The following ZNF7 variants were observed in gnomAD, a reference collection of about 807,000 sequenced individuals.
ZNF7 encodes zinc finger protein 7, also known as C2-H2 type zinc finger protein.
Under a neutral mutation model 12.0 loss-of-function variants are expected in ZNF7, and 10 were observed. That is an observed-to-expected ratio of 0.83 (90% CI 0.51 to 1.42). The LOEUF (loss-of-function observed/expected upper bound fraction) is 1.42, where lower values mean the gene tolerates loss of function less well. Among genes scored for constraint, ZNF7 ranks in the 40% most tolerant of loss-of-function variants. The probability of loss-of-function intolerance (pLI) is 0.00; values close to 1 mark genes in which losing one functional copy is unlikely to be tolerated. For missense variants in ZNF7, 854 were observed against 837.2 expected, an observed-to-expected ratio of 1.02 and a Z score of -0.25; for synonymous variants, 334 against 295.0, an observed-to-expected ratio of 1.13 and a Z score of -1.35.
In ZNF7 at chr8:144,842,735, A is replaced by G. The variant is rs960686439; in HGVS notation, c.1628A>G (p.His543Arg). The G allele has an allele frequency of 1.2e-6, 2 of 1,614,216 alleles. No individual in the cohort carries two copies. Among genetic ancestry groups the G allele is most frequent in the Non-Finnish European group, 1.7e-6 (2 of 1,180,040 alleles). Residue 543 changes from histidine (H) to arginine (R), a missense_variant, in exon 5 of 5, where the codon CAT becomes CGT. Coordinates refer to ENST00000532777, the MANE Select transcript of ZNF7 (RefSeq NM_003416.4). ...AGTATGAGCACACAGCTTACAATACATCAAAGGGTTCACACTGGAGAGAGG... is the reference window on the plus strand; with the variant it reads ...AGTATGAGCACACAGCTTACAATACGTCAAAGGGTTCACACTGGAGAGAGG... ...AFSMSTQLTIHQRVHTGERPY... is the reference protein window; with the variant it reads ...AFSMSTQLTIRQRVHTGERPY...
At chr8:144,838,079 A>T (rs1245335295) in intron 4 of ZNF7, 9 of 702,788 alleles carry the variant, frequency 1.3e-5, no homozygotes, top group Non-Finnish European at 2.3e-5. Context: ...GGCTTTAGGG[A>T]AGGATCCTGT....
At position 144,843,559 on chromosome 8, in the gene ZNF7, G is replaced by A. The variant is rs999053269; in HGVS notation, c.*391G>A. 7.3e-6 allele frequency: 1 copy of A among 137,024 alleles called. No homozygotes were observed. Among genetic ancestry groups the A allele is most frequent in the Non-Finnish European group, 1.5e-5 (1 of 67,364 alleles). The allele number at this position is 137,024 out of a possible 1,614,324, so 8.5% of individuals were successfully genotyped here. On this transcript the variant is annotated 3_prime_UTR_variant, in exon 5 of 5. Transcript: ENST00000532777. ...GCTGAGATCGCGCCACTGCACTCCAGCCTGGGTGACAGAGTGAGACTCCCT... is the reference window on the plus strand; with the variant it reads ...GCTGAGATCGCGCCACTGCACTCCAACCTGGGTGACAGAGTGAGACTCCCT...
At chr8:144,828,915 G>T in intron 1 of ZNF7, 128 bp from the exon 2 acceptor site, 1 of 1,258,122 alleles carries the variant, frequency 7.9e-7, no homozygotes, top group Non-Finnish European at 1.1e-6. Flanking sequence ...CTTCAGCCCA[G>T]CCCCATGTCC....
Position 144,841,831 on chromosome 8 carries a change from A to C in ZNF7, c.724A>C (p.Asn242His), listed in dbSNP as rs373144270. The C allele has an allele frequency of 2.5e-6, 4 of 1,614,100 alleles. No individual in the cohort carries two copies. Among genetic ancestry groups the C allele is most frequent in the East Asian group, 4.5e-5 (2 of 44,900 alleles). The change falls in exon 5 of 5, where the codon AAT (asparagine) becomes CAT (histidine). Residue 242 changes from asparagine to histidine, a missense_variant. Asn to His is a moderately conservative substitution (Grantham distance 68). Transcript: ENST00000532777. Reference protein sequence around the residue: ...LSDCLQGKHTNNCHGEKPYEC... With the variant: ...LSDCLQGKHTHNCHGEKPYEC... Reference sequence around the variant, plus strand: ...TGACTGCTTGCAGGGGAAACATACAAATAACTGCCATGGAGAGAAGCCGTA... The same window carrying C: ...TGACTGCTTGCAGGGGAAACATACACATAACTGCCATGGAGAGAAGCCGTA...
intron 3 of ZNF7, among the ~76,000 whole-genome samples, chr8:144,830,289 C>T (rs1002820761): frequency 1.3e-5 from 2 of 152,230 alleles, no homozygotes; most frequent in African/African-American, 4.8e-5. Context: ...TGGACCAGGC[C>T]TGTCCCCCTC....
Position 144,842,587 on chromosome 8 carries a change from G to T in ZNF7, c.1480G>T (p.Glu494Ter). 6.2e-7 allele frequency: 1 copy of T among 1,614,228 alleles called. No individual in the cohort carries two copies. Among genetic ancestry groups the T allele is most frequent in the African/African-American group, 1.3e-5 (1 of 75,070 alleles). Residue 494 changes from glutamate to a stop codon, truncating the protein, a stop_gained, in exon 5 of 5, where the codon GAG becomes TAG. Coordinates refer to ENST00000532777, the MANE Select transcript of ZNF7 (RefSeq NM_003416.4). LOFTEE classifies it low-confidence loss of function (END_TRUNC). ...LIQHQRIHTG[E>*]KPYVCNDCGK... ...TCAGCATCAGCGAATCCACACTGGA[G>T]AGAAACCCTATGTGTGTAATGACTG...
downstream of ZNF7, among the ~76,000 whole-genome samples, chr8:144,845,027 CAG>C (rs946595648): frequency 4.3e-4 from 66 of 152,224 alleles, 1 homozygote; most frequent in East Asian, 3.5e-3. Context: ...GGAGGAGAAA[CAG>C]GGGCAGGGTC....
intron 3 of ZNF7, among the ~76,000 whole-genome samples, chr8:144,832,258 C>CA (rs745868619): frequency 0.096 from 6,567 of 68,536 alleles, 1,696 homozygotes; most frequent in African/African-American, 0.25. Context: ...TATTAAAATG[C>CA]AAAAAAAAAA....
chr8:144,839,281 C>T (rs1297331239), intron 4 of ZNF7, among the ~76,000 whole-genome samples: 1 of 152,238 alleles, frequency 6.6e-6, no homozygotes, highest in African/African-American at 2.4e-5. Flanking sequence ...TTCTGAGCCT[C>T]TTCACGCCCT....
intron 3 of ZNF7, among the ~76,000 whole-genome samples, chr8:144,833,070 C>T (rs1365112400): frequency 2.0e-5 from 3 of 151,804 alleles, no homozygotes; most frequent in African/African-American, 7.3e-5. Context: ...TGGTGGCTCA[C>T]GCCTGTAATC....
In ZNF7 at chr8:144,842,471, G is replaced by T. The variant is rs1830066792; in HGVS notation, c.1364G>T (p.Arg455Leu). 1.2e-6 allele frequency: 2 copies of T among 1,613,796 alleles called. No individual in the cohort carries two copies. The highest frequency in any genetic ancestry group is 1.7e-6 in the Non-Finnish European group (2 of 1,179,962). Residue 455 changes from arginine (R) to leucine (L), a missense_variant, in exon 5 of 5, where the codon CGG becomes CTG. Transcript: ENST00000532777. Reference protein sequence around the residue: ...KCTKAFGCSSRLIRHQRTHTG... With the variant: ...KCTKAFGCSSLLIRHQRTHTG... ...ACAAAAGCCTTTGGTTGTAGTTCACGGCTTATTCGCCATCAGAGAACTCAC... is the reference window on the plus strand; with the variant it reads ...ACAAAAGCCTTTGGTTGTAGTTCACTGCTTATTCGCCATCAGAGAACTCAC...
intron 1 of ZNF7, 179 bp from the exon 2 acceptor site, chr8:144,828,864 C>A: frequency 1.4e-6 from 1 of 724,454 alleles, no homozygotes. Context: ...TAAAGAGGAA[C>A]AAGAGTTCAG....
In ZNF7 at chr8:144,837,659, G is replaced by T. The variant is rs1215503503; in HGVS notation, c.247+152G>T. On this transcript the variant is annotated intron_variant, in intron 4 of 4. Transcript: ENST00000532777. ...GGAAGCAGCATCCAGCACCTAGAAG[G>T]GAGCATAGACCCGTTGTGGGGCTGC... 1.8e-5 allele frequency: 11 copies of T among 599,788 alleles called. No homozygotes were observed. The Admixed American group carries it at 3.3e-4, about 18-fold the overall frequency. The allele number at this position is 599,788 out of a possible 1,614,324, so 37.2% of individuals were successfully genotyped here.
At chr8:144,831,054 A>G (rs1419323986) in intron 3 of ZNF7, 1 of 456,094 alleles carries the variant, frequency 2.2e-6, no homozygotes, top group Non-Finnish European at 4.4e-6. Flanking sequence ...GGTTTTCTTC[A>G]TCCAGTGAGC....
rs1022862422 is a variant in ZNF7, at chr8:144,829,317, C to A, written c.4-161C>A. Reference sequence around the variant, plus strand: ...ACCACCATGGACTGGGTTCCTTCCTCCTCCCCGAGACTGCCCCTCCCCAGA... The same window carrying A: ...ACCACCATGGACTGGGTTCCTTCCTACTCCCCGAGACTGCCCCTCCCCAGA... On this transcript the variant is annotated intron_variant, in intron 2 of 4. Coordinates refer to ENST00000532777, the MANE Select transcript of ZNF7 (RefSeq NM_003416.4). The A allele has an allele frequency of 1.6e-5, 24 of 1,538,206 alleles. No homozygotes were observed. The African/African-American group carries it at 3.3e-4, about 21-fold the overall frequency.
downstream of ZNF7, among the ~76,000 whole-genome samples, chr8:144,844,540 G>C (rs200946370): frequency 4.6e-5 from 7 of 151,184 alleles, no homozygotes; most frequent in Non-Finnish European, 1.0e-4. Context: ...GAAACCCCGT[G>C]TCTACTAAAA....
Position 144,842,882 on chromosome 8 carries a change from G to T in ZNF7, c.1775G>T (p.Arg592Leu). 6.2e-7 allele frequency: 1 copy of T among 1,614,166 alleles called. No individual in the cohort carries two copies. Among genetic ancestry groups the T allele is most frequent in the Non-Finnish European group, 8.5e-7 (1 of 1,180,036 alleles). Reference protein sequence around the residue: ...ECSECGKAFSRSSYLIEHQRI... With the variant: ...ECSECGKAFSLSSYLIEHQRI... Reference sequence around the variant, plus strand: ...AGTGAGTGTGGAAAAGCCTTCAGCCGGAGCTCATATCTTATTGAACACCAG... The same window carrying T: ...AGTGAGTGTGGAAAAGCCTTCAGCCTGAGCTCATATCTTATTGAACACCAG... The change falls in exon 5 of 5, where the codon CGG becomes CTG. Residue 592 changes from arginine to leucine, a missense_variant. By Grantham distance (102) the Arg-to-Leu change is moderately radical. Coordinates refer to ENST00000532777, the MANE Select transcript of ZNF7 (RefSeq NM_003416.4).
intron 3 of ZNF7, among the ~76,000 whole-genome samples, chr8:144,830,201 G>T (rs1247853639): frequency 6.6e-6 from 1 of 152,208 alleles, no homozygotes; most frequent in Non-Finnish European, 1.5e-5. Flanking sequence ...TCACACGCCC[G>T]AGAGAGTGCC....
Position 144,842,242 on chromosome 8 carries a change from C to T in ZNF7, c.1135C>T (p.Gln379Ter), listed in dbSNP as rs1830029768. The T allele has an allele frequency of 6.2e-7, 1 of 1,613,984 alleles. No individual in the cohort carries two copies. The highest frequency in any genetic ancestry group is 8.5e-7 in the Non-Finnish European group (1 of 1,180,044). Residue 379 changes from glutamine to a stop codon, truncating the protein, a stop_gained, in exon 5 of 5, where the codon CAG becomes TAG. Coordinates refer to ENST00000532777, the MANE Select transcript of ZNF7 (RefSeq NM_003416.4). LOFTEE classifies it low-confidence loss of function (END_TRUNC). ...KAFSQSSTLA[Q>*]HQRMHTGEKA... ...CTTCAGCCAGAGCTCCACCCTAGCC[C>T]AGCATCAAAGGATGCATACTGGGGA...
Sources: allele counts gnomAD v4.1 joint callset (sites outside exome capture counted in the v4.1 genomes callset), GRCh38; gene constraint gnomAD v4.1.1; transcripts MANE v1.5; gene names NCBI Gene and HGNC (gene_info 2026-07-23, HGNC 2026-07-21).